The following CTNND2 variants were observed in gnomAD, a reference collection of about 807,000 sequenced individuals.
The protein encoded by CTNND2 is catenin delta 2.
Under a neutral mutation model 144.4 loss-of-function variants are expected in CTNND2, and 22 were observed. The ratio of observed to expected loss-of-function variants is 0.15; its 90% CI spans 0.11 to 0.22. The LOEUF is 0.22. CTNND2 is among the 10% of genes least tolerant of loss of function. The probability of loss-of-function intolerance (pLI) is 1.00; values close to 1 mark genes in which losing one functional copy is unlikely to be tolerated. For synonymous variants in CTNND2, 751 were observed against 695.6 expected, an observed-to-expected ratio of 1.08 and a Z score of -1.25; for missense variants, 1,353 against 1,618.8, an observed-to-expected ratio of 0.84 and a Z score of 2.82.
intron 15 of CTNND2, among the ~76,000 whole-genome samples, chr5:11,095,952 T>C (rs1580271415): frequency 2.0e-5 from 3 of 152,092 alleles, no homozygotes; most frequent in Non-Finnish European, 1.5e-5. Flanking sequence ...AAATATTTTT[T>C]TCTGTTCTCT....
chr5:11,175,069 C>T (rs969176222), intron 11 of CTNND2, among the ~76,000 whole-genome samples: 1 of 151,954 alleles, frequency 6.6e-6, no homozygotes, highest in Admixed American at 6.6e-5. Context: ...GTTGTGATAC[C>T]AAAACTTTGG....
intron 9 of CTNND2, among the ~76,000 whole-genome samples, chr5:11,280,673 A>G (rs1460374427): frequency 6.6e-6 from 1 of 152,204 alleles, no homozygotes; most frequent in African/African-American, 2.4e-5. Flanking sequence ...GAAGGGAAAC[A>G]CAATTCAGTC....
chr5:11,649,092 A>C (rs1171211248), intron 2 of CTNND2, among the ~76,000 whole-genome samples: 1 of 152,136 alleles, frequency 6.6e-6, no homozygotes, highest in African/African-American at 2.4e-5. Flanking sequence ...GTCAACTACC[A>C]CTTCTGTATT....
chr5:11,035,257 G>A (rs1485051331), intron 16 of CTNND2, among the ~76,000 whole-genome samples: 1 of 152,194 alleles, frequency 6.6e-6, no homozygotes, highest in East Asian at 1.9e-4. Flanking sequence ...GGTGTGGGTA[G>A]ATTACGGTGT....
chr5:11,750,391 A>C (rs1313035781), intron 1 of CTNND2, among the ~76,000 whole-genome samples: 2 of 151,870 alleles, frequency 1.3e-5, no homozygotes, highest in African/African-American at 4.8e-5. Flanking sequence ...TCATCTACCC[A>C]CAGAGGATAT....
chr5:11,340,004 C>T (rs1374409615), intron 9 of CTNND2, among the ~76,000 whole-genome samples: 1 of 152,144 alleles, frequency 6.6e-6, no homozygotes, highest in East Asian at 1.9e-4. Context: ...CCACTTTGTC[C>T]TGATTTGGGT....
chr5:11,347,094 A>G (rs2149741151), intron 8 of CTNND2, among the ~76,000 whole-genome samples: 1 of 152,360 alleles, frequency 6.6e-6, no homozygotes, highest in East Asian at 1.9e-4. Context: ...TGAATCAAAG[A>G]AAATAAGAAG....
intron 9 of CTNND2, among the ~76,000 whole-genome samples, chr5:11,258,956 C>T (rs569931291): frequency 3.9e-5 from 6 of 152,276 alleles, no homozygotes; most frequent in Middle Eastern, 6.8e-3. Context: ...ATCAGTGTAT[C>T]CTTTTTGTAG....
At chr5:11,332,919 C>A (rs1753320293) in intron 9 of CTNND2, among the ~76,000 whole-genome samples, 1 of 152,192 alleles carries the variant, frequency 6.6e-6, no homozygotes, top group Non-Finnish European at 1.5e-5. Context: ...TTCTGTCTTA[C>A]CTGCCGCCAC....
At chr5:11,256,977 G>C (rs547208245) in intron 9 of CTNND2, among the ~76,000 whole-genome samples, 1 of 152,258 alleles carries the variant, frequency 6.6e-6, no homozygotes, top group Non-Finnish European at 1.5e-5. Flanking sequence ...AAAAAGTCCA[G>C]ACATTGTCAA....
intron 1 of CTNND2, among the ~76,000 whole-genome samples, chr5:11,744,040 C>A (rs1788167674): frequency 6.6e-6 from 1 of 152,174 alleles, no homozygotes; most frequent in Non-Finnish European, 1.5e-5. Flanking sequence ...CGGTGCTCCT[C>A]ATACAGGGGA....
intron 2 of CTNND2, among the ~76,000 whole-genome samples, chr5:11,660,760 T>C (rs1048558674): frequency 6.6e-6 from 1 of 152,188 alleles, no homozygotes. Context: ...TGTGGGCATG[T>C]GTTGCAAGCT....
At chr5:11,786,586 C>T (rs1235071283) in intron 1 of CTNND2, among the ~76,000 whole-genome samples, 1 of 152,144 alleles carries the variant, frequency 6.6e-6, no homozygotes, top group Non-Finnish European at 1.5e-5. Flanking sequence ...AGATGCTAGA[C>T]AGAACAAAAA....
chr5:11,484,223 C>T (rs190357027), intron 3 of CTNND2, among the ~76,000 whole-genome samples: 3 of 152,276 alleles, frequency 2.0e-5, no homozygotes, highest in African/African-American at 7.2e-5. Flanking sequence ...ACGATCTAGC[C>T]GAGTGTTCTG....
At chr5:11,616,123 T>G (rs1340338608) in intron 2 of CTNND2, among the ~76,000 whole-genome samples, 1 of 152,206 alleles carries the variant, frequency 6.6e-6, no homozygotes, top group Non-Finnish European at 1.5e-5. Flanking sequence ...GCTCTCATGC[T>G]CCTTTGCCAA....
intron 1 of CTNND2, among the ~76,000 whole-genome samples, chr5:11,884,352 T>C (rs1736357958): frequency 6.6e-6 from 1 of 152,172 alleles, no homozygotes; most frequent in African/African-American, 2.4e-5. Context: ...TTAATTTTTG[T>C]ATGAGGTACA....
intron 1 of CTNND2, among the ~76,000 whole-genome samples, chr5:11,796,498 A>T (rs888550657): frequency 6.6e-6 from 1 of 152,184 alleles, no homozygotes; most frequent in East Asian, 1.9e-4. Flanking sequence ...ATGATTTCCA[A>T]ATAAAGGGTA....
rs567187686 is a variant in CTNND2, at chr5:11,786,823, G to A, written c.38-54551C>T. Among the ~76,000 whole-genome samples the A allele has an allele frequency of 2.4e-4, 36 of 152,294 alleles. No individual in the cohort carries two copies. The Middle Eastern group carries it at 0.014, about 58-fold the overall frequency. On this transcript the variant is annotated intron_variant, in intron 1 of 21. Transcript: ENST00000304623. Reference sequence around the variant, plus strand: ...ACATACTGAGCTTGTAGTTCCCAGAGAAATTTTAGGGTTTACCCACATTTT... The same window carrying A: ...ACATACTGAGCTTGTAGTTCCCAGAAAAATTTTAGGGTTTACCCACATTTT...
At chr5:11,858,969 C>G (rs1407856160) in intron 1 of CTNND2, among the ~76,000 whole-genome samples, 2 of 152,150 alleles carry the variant, frequency 1.3e-5, no homozygotes, top group Non-Finnish European at 2.9e-5. Context: ...ATAAAACTAG[C>G]TAATATGTCA....
Sources: allele counts gnomAD v4.1 joint callset (sites outside exome capture counted in the v4.1 genomes callset), GRCh38; gene constraint gnomAD v4.1.1; transcripts MANE v1.5; gene names NCBI Gene and HGNC (gene_info 2026-07-23, HGNC 2026-07-21).